Variants in SLC28A1 observed in about 807,000 individuals in gnomAD.
SLC28A1 encodes the protein sodium/nucleoside cotransporter 1.
SLC28A1 carries 64 observed loss-of-function variants against 74.8 expected under a neutral mutation model. The ratio of observed to expected loss-of-function variants is 0.86; its 90% confidence interval spans 0.70 to 1.05. The LOEUF is 1.05. Among genes scored for constraint, SLC28A1 ranks in the 50% least tolerant of loss-of-function variants. The pLI is 0.00. For synonymous variants in SLC28A1, 359 were observed against 335.0 expected (o/e 1.07, Z -0.78); for missense variants, 828 against 822.8 (o/e 1.01, Z -0.08).
chr15:84,953,608 C>T, the SLC28A1 span, among the ~76,000 whole-genome samples: 1 of 152,246 alleles, frequency 6.6e-6, no homozygotes, highest in Admixed American at 6.5e-5. Context: ...CAAGCACCTG[C>T]AGTCCTAGGA....
At position 84,908,619 on chromosome 15, in the gene SLC28A1, C is replaced by T. The variant is rs755769758; in HGVS notation, c.718-99C>T. 3.3e-4 allele frequency: 324 copies of T among 980,900 alleles called. 2 individuals carry two copies. Among genetic ancestry groups the T allele is most frequent in the African/African-American group, 5.2e-4 (33 of 63,666 alleles). 60.8% of individuals were successfully genotyped at this position (980,900 alleles called of 1,614,324 possible). Reference sequence around the variant, plus strand: ...CCCGGATAAGGGCCTGGGGGGACTACGTCCCTGGGCCAACCCGCCTGTCTC... The same window carrying T: ...CCCGGATAAGGGCCTGGGGGGACTATGTCCCTGGGCCAACCCGCCTGTCTC... On this transcript the variant is annotated intron_variant, in intron 8 of 18. Transcript: ENST00000394573.
chr15:84,945,085 A>AGGCCTGGTTCTGCG, intron 18 of SLC28A1, 40 bp from the exon 19 acceptor site: 1 of 1,582,030 alleles, frequency 6.3e-7, no homozygotes, highest in Non-Finnish European at 8.7e-7. Flanking sequence ...CCGCAGAACC[A>AGGCCTGGTTCTGCG]GGCCTGGAGC....
chr15:84,973,169 C>CT, the SLC28A1 span, among the ~76,000 whole-genome samples: 1 of 152,190 alleles, frequency 6.6e-6, no homozygotes, highest in Non-Finnish European at 1.5e-5. Context: ...TGAATATGCC[C>CT]TGCTCCTTCC....
intron 12 of SLC28A1, among the ~76,000 whole-genome samples, chr15:84,924,422 C>T (rs1970236916): frequency 6.6e-6 from 1 of 152,088 alleles, no homozygotes; most frequent in African/African-American, 2.4e-5. Flanking sequence ...AAGTGAGATG[C>T]CCAAACCCAG....
chr15:84,962,793 G>A, the SLC28A1 span, among the ~76,000 whole-genome samples: 112 of 152,202 alleles, frequency 7.4e-4, 1 homozygote, highest in Non-Finnish European at 1.3e-3. Context: ...AGGGCTGGGG[G>A]TAGGGAGGAA....
At chr15:84,920,898 G>A (rs1051979811) in intron 10 of SLC28A1, 91 bp from the exon 11 acceptor site, 52 of 999,564 alleles carry the variant, frequency 5.2e-5, no homozygotes, top group Middle Eastern at 2.0e-4. Context: ...TGGGAGTTGG[G>A]AGGAAACTGT....
At chr15:84,945,050 C>A in intron 18 of SLC28A1, 75 bp from the exon 19 acceptor site, 1 of 1,343,124 alleles carries the variant, frequency 7.4e-7, no homozygotes, top group East Asian at 2.3e-5. Flanking sequence ...ACAGTGTTCC[C>A]GGTGTTGCAC....
chr15:84,926,245 C>G (rs1490350524), intron 12 of SLC28A1, among the ~76,000 whole-genome samples: 1 of 151,890 alleles, frequency 6.6e-6, no homozygotes, highest in Admixed American at 6.6e-5. Flanking sequence ...GTTACTCAAG[C>G]TGGAGCACAG....
At chr15:84,898,354 A>G (rs12899037) in intron 6 of SLC28A1, among the ~76,000 whole-genome samples, 67,261 of 151,932 alleles carry the variant, frequency 0.44, 16,643 homozygotes, top group South Asian at 0.64. Flanking sequence ...CGAGGTGGGT[A>G]GATCACGAGG....
chr15:84,966,411 G>A, the SLC28A1 span, among the ~76,000 whole-genome samples: 14,485 of 152,088 alleles, frequency 0.095, 976 homozygotes, highest in African/African-American at 0.19. Flanking sequence ...TGTCACTCAG[G>A]CTGGTGTGTG....
intron 4 of SLC28A1, 62 bp downstream of exon 4, chr15:84,888,922 G>A (rs902545834): frequency 3.3e-6 from 4 of 1,199,612 alleles, no homozygotes; most frequent in Non-Finnish European, 2.4e-6. Flanking sequence ...GAACAGGATG[G>A]GGAGCCGGGC....
intron 6 of SLC28A1, among the ~76,000 whole-genome samples, chr15:84,903,733 C>T (rs536943762): frequency 3.9e-5 from 6 of 152,326 alleles, no homozygotes; most frequent in African/African-American, 9.6e-5. Context: ...CTGAGCTGAG[C>T]ATCACTGCAG....
chr15:84,935,469 G>T lies in SLC28A1; in HGVS notation c.1532G>T (p.Arg511Leu), dbSNP rs757554044. Residue 511 changes from arginine (R) to leucine (L), a missense_variant, in exon 15 of 19, where the codon CGC (arginine) becomes CTC (leucine). Transcript: ENST00000394573. ...YQDLSKYKQR[R>L]LAGAEEWVGD... Reference sequence around the variant, plus strand: ...GACCTCTCCAAGTACAAGCAACGCCGCCTGGCAGGGGCCGAGGAGTGGGTC... The same window carrying T: ...GACCTCTCCAAGTACAAGCAACGCCTCCTGGCAGGGGCCGAGGAGTGGGTC... 1.9e-6 allele frequency: 3 copies of T among 1,614,174 alleles called. No homozygotes were observed. Among genetic ancestry groups the T allele is most frequent in the South Asian group, 1.1e-5 (1 of 91,080 alleles).
the SLC28A1 span, among the ~76,000 whole-genome samples, chr15:84,973,090 C>G: frequency 1.3e-5 from 2 of 152,172 alleles, no homozygotes; most frequent in Non-Finnish European, 2.9e-5. Flanking sequence ...TTGTCCACCT[C>G]TTCCACCTCA....
At chr15:84,925,952 C>T (rs1210500679) in intron 12 of SLC28A1, among the ~76,000 whole-genome samples, 2 of 151,710 alleles carry the variant, frequency 1.3e-5, no homozygotes, top group African/African-American at 4.8e-5. Flanking sequence ...GGTACTCACC[C>T]ACTCATGGTA....
At chr15:84,898,118 A>T (rs1208887350) in intron 6 of SLC28A1, among the ~76,000 whole-genome samples, 4 of 141,422 alleles carry the variant, frequency 2.8e-5, no homozygotes, top group Non-Finnish European at 1.5e-5. Context: ...TCTTTTCAAT[A>T]TATTGATTTC....
Position 84,935,494 on chromosome 15 carries a change from C to T in SLC28A1, c.1557C>T (p.Val519=), listed in dbSNP as rs953019223. 6 of 1,613,768 alleles carry T rather than the reference C, an allele frequency of 3.7e-6. No homozygotes were observed. Among genetic ancestry groups the T allele is most frequent in the African/African-American group, 1.3e-5 (1 of 74,940 alleles). ...GCCTGGCAGGGGCCGAGGAGTGGGT[C>T]GGCGACAGGAAGCAGTGGATCTCCG... ...QRRLAGAEEW[V]GDRKQWISVR... The change falls in exon 15 of 19, where the codon GTC becomes GTT. Residue 519 remains valine (V), a synonymous_variant. Transcript: ENST00000394573.
At chr15:84,949,313 A>G (rs930877955), downstream of SLC28A1, among the ~76,000 whole-genome samples, 3 of 152,354 alleles carry the variant, frequency 2.0e-5, no homozygotes, top group African/African-American at 7.2e-5. Context: ...AGATGCTGTG[A>G]TGAGACTAAA....
the SLC28A1 span, among the ~76,000 whole-genome samples, chr15:84,953,068 C>T: frequency 1.6e-4 from 25 of 152,306 alleles, no homozygotes; most frequent in East Asian, 2.3e-3. Context: ...TAAGCTCCAT[C>T]AAAGCATACA....
Sources: gnomAD v4.1 joint callset for allele counts (sites outside exome capture counted in the v4.1 genomes callset) on GRCh38, gnomAD v4.1.1 for gene constraint, MANE v1.5 for transcripts, NCBI Gene and HGNC (gene_info 2026-07-23, HGNC 2026-07-21) for gene names.